SOX5: variants seen among roughly 807,000 people sequenced by gnomAD.
The protein encoded by SOX5 is SRY-box transcription factor 5.
Under a neutral mutation model 92.0 loss-of-function variants are expected in SOX5, and 9 were observed. That is an observed-to-expected ratio of 0.10 (90% CI 0.06 to 0.17). The LOEUF (loss-of-function observed/expected upper bound fraction) is 0.17, where lower values mean the gene tolerates loss of function less well. Ranked by LOEUF, SOX5 falls within the 10% of genes least tolerant of loss-of-function variation. SOX5 has a pLI of 1.00. For missense variants in SOX5, 642 were observed against 944.5 expected, an observed-to-expected ratio of 0.68 and a Z score of 4.20; for synonymous variants, 344 against 336.3, an observed-to-expected ratio of 1.02 and a Z score of -0.25.
At chr12:24,079,419 T>C (rs1159188913) in intron 4 of SOX5, among the ~76,000 whole-genome samples, 1 of 151,984 alleles carries the variant, frequency 6.6e-6, no homozygotes, top group Non-Finnish European at 1.5e-5. Flanking sequence ...GAAAGTTATT[T>C]TCCAAGGACC....
chr12:23,601,110 TTCTC>T (rs1407514301), intron 9 of SOX5, among the ~76,000 whole-genome samples: 1 of 152,044 alleles, frequency 6.6e-6, no homozygotes, highest in African/African-American at 2.4e-5. Flanking sequence ...GCATTATCCT[TTCTC>T]TCTCGCGCAC....
intron 3 of SOX5, among the ~76,000 whole-genome samples, chr12:23,789,500 T>C (rs2095434585): frequency 6.6e-6 from 1 of 152,118 alleles, no homozygotes. Context: ...TGTTTCTTTT[T>C]AGGATATTCT....
At position 24,419,748 on chromosome 12, in the gene SOX5, T is replaced by C. The variant is rs79759839; in HGVS notation, c.-250-51109A>G. Among the ~76,000 whole-genome samples, 682 of 152,288 alleles carry C rather than the reference T, an allele frequency of 4.5e-3. 11 individuals carry two copies. The East Asian group carries it at 0.051, about 11-fold the overall frequency. ...TGTATACATTTACATAAAGGTAATA[T>C]CTAGAATGTATATGACAACTTCTAA... On this transcript the variant is annotated intron_variant, in intron 1 of 4. Transcript: ENST00000446891.
At chr12:24,516,437 T>C (rs1355110056) in intron 1 of SOX5, among the ~76,000 whole-genome samples, 1 of 152,156 alleles carries the variant, frequency 6.6e-6, no homozygotes, top group African/African-American at 2.4e-5. Context: ...GCCCTCAACA[T>C]AAACAAGTGT....
In SOX5 at chr12:24,088,017, A is replaced by G. The variant is rs1391732599; in HGVS notation, c.-2+125326T>C. Among the ~76,000 whole-genome samples the G allele has an allele frequency of 3.3e-5, 5 of 152,200 alleles. No homozygotes were observed. In the South Asian group the frequency reaches 1.0e-3, roughly 32 times the overall value. ...CTAACGATATCTCAGAAATGGGCCA[A>G]AAAGCAGGAGGAAGCACTTGCATCC... On this transcript the variant is annotated intron_variant, in intron 4 of 4. Transcript: ENST00000446891.
chr12:24,360,738 T>C (rs1955455466), intron 2 of SOX5, among the ~76,000 whole-genome samples: 1 of 152,216 alleles, frequency 6.6e-6, no homozygotes, highest in South Asian at 2.1e-4. Flanking sequence ...ACTGGATATA[T>C]GTATCCCTGG....
intron 2 of SOX5, among the ~76,000 whole-genome samples, chr12:24,339,824 G>C (rs754016008): frequency 3.3e-5 from 5 of 152,212 alleles, no homozygotes; most frequent in Non-Finnish European, 5.9e-5. Flanking sequence ...CATTTCCCCA[G>C]CTATAAGGAA....
intron 3 of SOX5, among the ~76,000 whole-genome samples, chr12:23,827,746 T>C (rs2135516702): frequency 6.6e-6 from 1 of 152,330 alleles, no homozygotes. Context: ...TTTAAAATAC[T>C]AAATGTGATG....
chr12:23,919,217 GT>G (rs1473017098), intron 1 of SOX5, among the ~76,000 whole-genome samples: 1 of 152,148 alleles, frequency 6.6e-6, no homozygotes, highest in African/African-American at 2.4e-5. Context: ...CCTCACTGAG[GT>G]TCACAGTTTG....
chr12:23,820,582 T>C (rs532989992), intron 3 of SOX5, among the ~76,000 whole-genome samples: 1 of 152,344 alleles, frequency 6.6e-6, no homozygotes, highest in African/African-American at 2.4e-5. Flanking sequence ...CTTTAATCCA[T>C]CTTGAGTTAA....
Position 24,515,937 on chromosome 12 carries a change from G to A in SOX5, c.-251+46392C>T, listed in dbSNP as rs549205620. Among the ~76,000 whole-genome samples the A allele has an allele frequency of 7.9e-5, 12 of 151,946 alleles. No homozygotes were observed. In the East Asian group the frequency reaches 1.2e-3, roughly 15 times the overall value. ...CTCTTATTCTATTCTTTATCCTTGC[G>A]TAGGCTTCCATTTCCACCTAAGTAT... On this transcript the variant is annotated intron_variant, in intron 1 of 4. Transcript: ENST00000446891.
At chr12:23,835,213 T>G (rs1415507703) in intron 3 of SOX5, among the ~76,000 whole-genome samples, 2 of 151,900 alleles carry the variant, frequency 1.3e-5, no homozygotes, top group East Asian at 3.9e-4. Context: ...AATGAAATGG[T>G]CTTTAAAACT....
rs998476858 is a variant in SOX5, at chr12:23,534,457, C to A, written c.2054G>T (p.Gly685Val). ...VVYPGAIAMA[G>V]MPSPHLPSEH... ...CGAGGGCAGGTGAGGGGAGGGCATC[C>A]CAGCCATGGCGATGGCTCCAGGGTA... Residue 685 changes from glycine (G) to valine (V), a missense_variant, in exon 15 of 15, where the codon GGG becomes GTG. Gly to Val is a moderately radical substitution (Grantham distance 109). Around this residue, in one of 8 missense-constraint regions of SOX5, gnomAD observed 130 missense variants for 140.6 expected, o/e 0.92. Transcript: ENST00000451604. 1 of 1,613,956 alleles carries A rather than the reference C, an allele frequency of 6.2e-7. No homozygotes were observed. Among genetic ancestry groups the A allele is most frequent in the Non-Finnish European group, 8.5e-7 (1 of 1,179,950 alleles).
chr12:23,654,539 A>T lies in SOX5; in HGVS notation c.931+10905T>A, dbSNP rs1271923235. ...TTCATATCATTTTATACTTTCTTAA[A>T]TCCAACCAAGATGAAATTTGTTTCC... is the stretch of plus-strand genomic sequence containing the variant. On this transcript the variant is annotated intron_variant, in intron 7 of 14. Transcript: ENST00000451604. 3.9e-5 allele frequency among the ~76,000 whole-genome samples: 6 copies of T among 152,096 alleles called. No individual in the cohort carries two copies. In the South Asian group the frequency reaches 6.2e-4, roughly 16 times the overall value.
intron 4 of SOX5, among the ~76,000 whole-genome samples, chr12:24,118,049 A>G (rs1237371674): frequency 1.3e-5 from 2 of 150,436 alleles, no homozygotes; most frequent in Admixed American, 1.3e-4. Flanking sequence ...GAAAAAAAAA[A>G]TCTGTCTCAC....
At chr12:24,299,295 C>T (rs999111885) in intron 2 of SOX5, among the ~76,000 whole-genome samples, 5 of 152,202 alleles carry the variant, frequency 3.3e-5, no homozygotes, top group East Asian at 1.9e-4. Flanking sequence ...CAGCAATTTA[C>T]GACAAGTTAT....
chr12:24,397,408 ATAGT>A (rs1370856793), intron 1 of SOX5, among the ~76,000 whole-genome samples: 3 of 152,350 alleles, frequency 2.0e-5, no homozygotes, highest in African/African-American at 7.2e-5. Context: ...CAATTTACAG[ATAGT>A]ATTTAATGTA....
At chr12:23,737,032 G>A (rs947735850) in intron 5 of SOX5, among the ~76,000 whole-genome samples, 5 of 151,648 alleles carry the variant, frequency 3.3e-5, no homozygotes, top group Non-Finnish European at 7.4e-5. Context: ...GTAAAAGAGA[G>A]AGTAGAAGGA....
chr12:24,260,038 A>C (rs1016956717), intron 3 of SOX5, among the ~76,000 whole-genome samples: 1 of 152,206 alleles, frequency 6.6e-6, no homozygotes, highest in Non-Finnish European at 1.5e-5. Context: ...GTAGAAATAA[A>C]TATTTCTTGG....
Sources: gnomAD v4.1 joint callset for allele counts (sites outside exome capture counted in the v4.1 genomes callset) on GRCh38, gnomAD v4.1.1 for gene constraint, gnomAD v4.1.1 regional missense constraint, MANE v1.5 for transcripts, NCBI Gene and HGNC (gene_info 2026-07-23, HGNC 2026-07-21) for gene names.